The following TAF4B variants were observed in gnomAD, a reference collection of about 807,000 sequenced individuals.
The protein encoded by TAF4B is transcription initiation factor TFIID subunit 4B.
Under a neutral mutation model 86.4 loss-of-function variants are expected in TAF4B, and 38 were observed. The ratio of observed to expected loss-of-function variants is 0.44; its 90% CI spans 0.34 to 0.58. The LOEUF (loss-of-function observed/expected upper bound fraction) is 0.58. Ranked by LOEUF, TAF4B falls within the 20% of genes least tolerant of loss-of-function variation. The pLI, the probability that TAF4B is intolerant of heterozygous loss-of-function variation, is 0.02. For missense variants in TAF4B, 988 were observed against 1,027.6 expected, an observed-to-expected ratio of 0.96 and a Z score of 0.53; for synonymous variants, 388 against 391.2, an observed-to-expected ratio of 0.99 and a Z score of 0.10.
intron 5 of TAF4B, among the ~76,000 whole-genome samples, chr18:26,281,243 A>G (rs1331310077): frequency 2.6e-5 from 4 of 151,914 alleles, no homozygotes; most frequent in Non-Finnish European, 5.9e-5. Context: ...TTGTACTTGT[A>G]CCTCTTGAAT....
chr18:26,247,435 G>A (rs2055943200), intron 1 of TAF4B, among the ~76,000 whole-genome samples: 1 of 152,140 alleles, frequency 6.6e-6, no homozygotes, highest in Admixed American at 6.5e-5. Context: ...GAAAGTATGG[G>A]TCTTTAAGTT....
At chr18:26,275,093 C>T in intron 5 of TAF4B, 40 bp downstream of exon 5, 1 of 1,564,512 alleles carries the variant, frequency 6.4e-7, no homozygotes, top group Non-Finnish European at 8.6e-7. Context: ...CTGGAGGAAT[C>T]CATATAACAT....
At chr18:26,375,090 G>T (rs1567929048) in intron 14 of TAF4B, among the ~76,000 whole-genome samples, 1 of 152,116 alleles carries the variant, frequency 6.6e-6, no homozygotes, top group Non-Finnish European at 1.5e-5. Context: ...CATCCTCTCA[G>T]TTCCTGACAA....
At chr18:26,241,188 A>AC (rs2055833069) in intron 1 of TAF4B, among the ~76,000 whole-genome samples, 1 of 152,192 alleles carries the variant, frequency 6.6e-6, no homozygotes, top group Non-Finnish European at 1.5e-5. Flanking sequence ...CCTCTGGTAG[A>AC]ATTCGGCTGT....
At chr18:26,260,113 C>A (rs906374090) in intron 1 of TAF4B, among the ~76,000 whole-genome samples, 36 of 152,010 alleles carry the variant, frequency 2.4e-4, no homozygotes, top group Non-Finnish European at 4.7e-4. Flanking sequence ...TATCCTTCAC[C>A]CACTTTTTGA....
intron 13 of TAF4B, 128 bp from the exon 14 acceptor site, chr18:26,357,562 G>T: frequency 1.8e-6 from 1 of 557,344 alleles, no homozygotes; most frequent in South Asian, 3.8e-5. Context: ...GCTGTTATGG[G>T]AATCTAATGT....
At chr18:26,264,994 A>G (rs2056218341) in intron 1 of TAF4B, among the ~76,000 whole-genome samples, 176 bp from the exon 2 acceptor site, 1 of 152,234 alleles carries the variant, frequency 6.6e-6, no homozygotes, top group African/African-American at 2.4e-5. Context: ...TTAAATTTTT[A>G]AATAGCTTGG....
chr18:26,303,981 T>C (rs1461449959), intron 9 of TAF4B, among the ~76,000 whole-genome samples: 2 of 152,290 alleles, frequency 1.3e-5, no homozygotes, highest in East Asian at 3.9e-4. Flanking sequence ...TATTCCTAGA[T>C]ATCTTTCTTG....
intron 13 of TAF4B, among the ~76,000 whole-genome samples, 167 bp from the exon 14 acceptor site, chr18:26,357,523 G>C (rs559560581): frequency 2.0e-5 from 3 of 152,230 alleles, no homozygotes; most frequent in Admixed American, 6.5e-5. Flanking sequence ...GAGTTTGTTG[G>C]TGTAAAAGAA....
At chr18:26,302,371 ATTTTTTTTT>A (rs66683595) in intron 9 of TAF4B, among the ~76,000 whole-genome samples, 3 of 93,076 alleles carry the variant, frequency 3.2e-5, no homozygotes, top group African/African-American at 4.1e-5. Flanking sequence ...TTCATATTAA[ATTTTTTTTT>A]TTTTTTTTTT....
At chr18:26,346,749 A>T (rs1201628972) in intron 13 of TAF4B, among the ~76,000 whole-genome samples, 1 of 50,270 alleles carries the variant, frequency 2.0e-5, no homozygotes, top group Non-Finnish European at 3.9e-5. Flanking sequence ...ATATATATAT[A>T]TATATGTGTG....
chr18:26,331,147 G>A (rs1483868550), intron 12 of TAF4B, among the ~76,000 whole-genome samples: 2 of 152,170 alleles, frequency 1.3e-5, no homozygotes, highest in Non-Finnish European at 2.9e-5. Flanking sequence ...AGGAAGGTGG[G>A]ACAGAAAGAT....
chr18:26,327,994 A>T (rs997765968), intron 12 of TAF4B, among the ~76,000 whole-genome samples: 5 of 152,172 alleles, frequency 3.3e-5, no homozygotes, highest in African/African-American at 1.2e-4. Context: ...GAAGCTCCAC[A>T]TTTCTTCGTA....
intron 9 of TAF4B, among the ~76,000 whole-genome samples, chr18:26,306,510 G>A (rs1297757831): frequency 6.6e-6 from 1 of 152,096 alleles, no homozygotes; most frequent in Non-Finnish European, 1.5e-5. Context: ...GTTTACCATT[G>A]TATGTATACC....
At chr18:26,239,593 A>T (rs965690496) in intron 1 of TAF4B, among the ~76,000 whole-genome samples, 1 of 152,058 alleles carries the variant, frequency 6.6e-6, no homozygotes, top group East Asian at 1.9e-4. Flanking sequence ...TTAGTTTAAT[A>T]AGATCCCATT....
chr18:26,244,392 C>T (rs1412667305), intron 1 of TAF4B, among the ~76,000 whole-genome samples: 1 of 152,246 alleles, frequency 6.6e-6, no homozygotes, highest in Non-Finnish European at 1.5e-5. Context: ...GTGATATAAT[C>T]TCCTTGTGTG....
chr18:26,248,724 A>G (rs1372211249), intron 1 of TAF4B, among the ~76,000 whole-genome samples: 1 of 65,210 alleles, frequency 1.5e-5, no homozygotes, highest in African/African-American at 6.1e-5. Flanking sequence ...TTGGGATCTC[A>G]CTGTTTCCCA....
chr18:26,285,427 A>G (rs1175049477), intron 6 of TAF4B, among the ~76,000 whole-genome samples: 1 of 151,392 alleles, frequency 6.6e-6, no homozygotes, highest in African/African-American at 2.4e-5. Context: ...GCCTCAAGTG[A>G]TTGCTTACTT....
intron 6 of TAF4B, among the ~76,000 whole-genome samples, chr18:26,285,576 T>G (rs919700810): frequency 5.3e-5 from 8 of 152,158 alleles, no homozygotes; most frequent in Admixed American, 5.2e-4. Context: ...ACTAATGATC[T>G]ATTATAGGGT....
Sources: gnomAD v4.1 joint callset for allele counts (sites outside exome capture counted in the v4.1 genomes callset) on GRCh38, gnomAD v4.1.1 for gene constraint, MANE v1.5 for transcripts, NCBI Gene and HGNC (gene_info 2026-07-23, HGNC 2026-07-21) for gene names.